MEF2C: variants seen among roughly 807,000 people sequenced by gnomAD.
MEF2C encodes the protein myocyte enhancer factor 2C.
MEF2C carries 6 observed loss-of-function variants against 50.5 expected under a neutral mutation model. The ratio of observed to expected loss-of-function variants is 0.12; its 90% CI spans 0.07 to 0.23. MEF2C has a LOEUF of 0.23. Among genes scored for constraint, MEF2C ranks in the 10% least tolerant of loss-of-function variants. MEF2C has a pLI of 1.00. For missense variants in MEF2C, 276 were observed against 605.0 expected (o/e 0.46, Z 5.70); for synonymous variants, 183 against 228.0 (o/e 0.80, Z 1.78).
chr5:88,838,538 T>C (rs1816064648), intron 1 of MEF2C: 1 of 983,514 alleles, frequency 1.0e-6, no homozygotes, highest in East Asian at 1.1e-4. Flanking sequence ...TCACTTATGA[T>C]GAAGTTAAGA....
intron 4 of MEF2C, among the ~76,000 whole-genome samples, chr5:88,752,255 G>A (rs1773172476): frequency 6.6e-6 from 1 of 152,092 alleles, no homozygotes. Context: ...ATTAAAAAAT[G>A]TTTCACTTTT....
Position 88,804,616 on chromosome 5 carries a change from T to C in MEF2C, c.240A>G (p.Thr80=). Residue 80 remains threonine (T), a synonymous_variant, in exon 3 of 11, where the codon ACA becomes ACG. Transcript: ENST00000504921. ...TEYNEPHESR[T]NSDIVETLRK... is the part of the protein sequence containing the mutation. ...CTCTCACCTCCACGATGTCTGAGTT[T>C]GTCCGGCTCTCATGCGGCTCGTTGT... 2 of 1,614,074 alleles carry C rather than the reference T, an allele frequency of 1.2e-6. No homozygotes were observed. The highest frequency in any genetic ancestry group is 1.7e-6 in the Non-Finnish European group (2 of 1,180,012).
intron 1 of MEF2C, among the ~76,000 whole-genome samples, chr5:88,874,016 T>C (rs1830361888): frequency 6.6e-6 from 1 of 151,906 alleles, no homozygotes; most frequent in Non-Finnish European, 1.5e-5. Flanking sequence ...TTTAACCACA[T>C]AAACCTTTAC....
Position 88,735,666 on chromosome 5 carries a change from A to G in MEF2C, c.638-3765T>C, listed in dbSNP as rs148946827. 5,147 of 985,364 alleles carry G rather than the reference A, an allele frequency of 5.2e-3. 35 individuals carry two copies. The highest frequency in any genetic ancestry group is 5.0e-3 in the Non-Finnish European group (4,183 of 829,856). The allele number at this position is 985,364 out of a possible 1,614,324, so 61.0% of individuals were successfully genotyped here. ...TTTGTATATACTCATATTAGTGTCAATACATAGAACTTGAATGTGGTGTTA... is the reference window on the plus strand; with the variant it reads ...TTTGTATATACTCATATTAGTGTCAGTACATAGAACTTGAATGTGGTGTTA... On this transcript the variant is annotated intron_variant, in intron 6 of 10. Transcript: ENST00000504921.
At chr5:88,897,989 G>T (rs1393683058) in intron 1 of MEF2C, among the ~76,000 whole-genome samples, 1 of 152,110 alleles carries the variant, frequency 6.6e-6, no homozygotes, top group Non-Finnish European at 1.5e-5. Flanking sequence ...CATTATAACA[G>T]GCTCCTCAGG....
chr5:88,803,551 T>C (rs1799212827), intron 3 of MEF2C, among the ~76,000 whole-genome samples: 1 of 152,178 alleles, frequency 6.6e-6, no homozygotes, highest in Non-Finnish European at 1.5e-5. Context: ...CACTTATTAA[T>C]TTTCTTTTCA....
At chr5:88,749,269 T>G in intron 5 of MEF2C, 152 bp from the exon 6 acceptor site, 1 of 1,220,294 alleles carries the variant, frequency 8.2e-7, no homozygotes, top group East Asian at 3.0e-5. Flanking sequence ...TTTGTTTTAT[T>G]GTGCCATGCT....
Position 88,891,393 on chromosome 5 carries a change from CT to C in MEF2C, c.-239-3796del, listed in dbSNP as rs771799863. On this transcript the variant is annotated intron_variant, in intron 1 of 11. Transcript: ENST00000340208. Reference sequence around the variant, plus strand: ...TCAGAAATGTTAATAACCAACCAACCTTTTTTTTTTTTTTTTTTTTTTGAGA... The same window carrying C: ...TCAGAAATGTTAATAACCAACCAACCTTTTTTTTTTTTTTTTTTTTTGAGA... Among the ~76,000 whole-genome samples, 461 of 104,816 alleles carry C rather than the reference CT, an allele frequency of 4.4e-3. 2 individuals are homozygous for C. Among genetic ancestry groups the C allele is most frequent in the African/African-American group, 0.01 (244 of 24,056 alleles). The allele number at this position is 104,816 out of a possible 152,430, so 68.8% of individuals were successfully genotyped here.
chr5:88,897,716 A>T (rs1835259585), intron 1 of MEF2C, among the ~76,000 whole-genome samples: 1 of 152,228 alleles, frequency 6.6e-6, no homozygotes, highest in Admixed American at 6.5e-5. Flanking sequence ...TAATTATAGC[A>T]GACAATACAT....
intron 1 of MEF2C, among the ~76,000 whole-genome samples, chr5:88,853,068 A>G (rs1244874753): frequency 6.6e-6 from 1 of 152,130 alleles, no homozygotes; most frequent in Non-Finnish European, 1.5e-5. Flanking sequence ...TGTAAAACTG[A>G]AAAAAATTAA....
chr5:88,751,819 C>T lies in MEF2C; in HGVS notation c.589+38G>A, dbSNP rs1772899291. ...TGGCTTTGCCGAAAATGGTTCCTTC[C>T]AACTATTTGTTAGCATTACATCCTT... On this transcript the variant is annotated intron_variant, in intron 5 of 10. Coordinates refer to ENST00000504921, the MANE Select transcript of MEF2C (RefSeq NM_002397.5). 2.5e-6 allele frequency: 4 copies of T among 1,591,684 alleles called. No individual in the cohort carries two copies. The African/African-American group carries it at 4.0e-5, about 16-fold the overall frequency.
chr5:88,806,826 C>G (rs565311776), intron 2 of MEF2C, among the ~76,000 whole-genome samples: 4 of 151,512 alleles, frequency 2.6e-5, no homozygotes, highest in Non-Finnish European at 5.9e-5. Flanking sequence ...TCTGTTTAAC[C>G]TCTCTTCCAC....
At chr5:88,814,501 T>C (rs557639482) in intron 2 of MEF2C, among the ~76,000 whole-genome samples, 1 of 152,222 alleles carries the variant, frequency 6.6e-6, no homozygotes, top group East Asian at 1.9e-4. Context: ...GGGACTATTG[T>C]CCTCGTTAGC....
rs371419928 is a variant in MEF2C, at chr5:88,893,501, G to C, written c.-239-5903C>G. Among the ~76,000 whole-genome samples, 8 of 151,812 alleles carry C rather than the reference G, an allele frequency of 5.3e-5. No homozygotes were observed. In the South Asian group the frequency reaches 8.3e-4, roughly 16 times the overall value. ...GCCTCCCAAAGTGCTGGGATTACAGGCTTGAGCTACTGTACCAAGCCATTT... is the reference window on the plus strand; with the variant it reads ...GCCTCCCAAAGTGCTGGGATTACAGCCTTGAGCTACTGTACCAAGCCATTT... On this transcript the variant is annotated intron_variant, in intron 1 of 11. Coordinates refer to the MEF2C transcript ENST00000340208.
intron 2 of MEF2C, among the ~76,000 whole-genome samples, chr5:88,805,080 T>G (rs771193553): frequency 6.6e-6 from 1 of 152,214 alleles, no homozygotes; most frequent in Non-Finnish European, 1.5e-5. Context: ...TCATGTTTCT[T>G]TGAGCAAGTT....
intron 6 of MEF2C, chr5:88,740,081 C>G: frequency 1.0e-6 from 1 of 985,238 alleles, no homozygotes; most frequent in Non-Finnish European, 1.2e-6. Context: ...TATTCTTGGC[C>G]ATACCAGTTC....
At chr5:88,773,766 C>T (rs1365754877) in intron 3 of MEF2C, among the ~76,000 whole-genome samples, 1 of 152,202 alleles carries the variant, frequency 6.6e-6, no homozygotes, top group Non-Finnish European at 1.5e-5. Flanking sequence ...GAAAACCAAA[C>T]CTCTCTCGCG....
intron 4 of MEF2C, among the ~76,000 whole-genome samples, chr5:88,756,291 A>G (rs1451986680): frequency 6.6e-6 from 1 of 152,110 alleles, no homozygotes. Flanking sequence ...TAATTTTTCA[A>G]ACTTCACCCC....
At chr5:88,902,010 T>C (rs1190288848) in intron 1 of MEF2C, among the ~76,000 whole-genome samples, 1 of 151,718 alleles carries the variant, frequency 6.6e-6, no homozygotes, top group Non-Finnish European at 1.5e-5. Flanking sequence ...GTAATAATTA[T>C]AGCCAATGGT....
Sources: gnomAD v4.1 joint callset for allele counts (sites outside exome capture counted in the v4.1 genomes callset) on GRCh38, gnomAD v4.1.1 for gene constraint, MANE v1.5 for transcripts, NCBI Gene and HGNC (gene_info 2026-07-23, HGNC 2026-07-21) for gene names.